AGPAT4: variants seen among roughly 807,000 people sequenced by gnomAD.
The protein encoded by AGPAT4 is 1-acyl-sn-glycerol-3-phosphate acyltransferase delta.
AGPAT4 carries 15 observed loss-of-function variants against 48.0 expected under a neutral mutation model. The observed-to-expected ratio is 0.31, with a 90% CI of 0.21 to 0.48. The LOEUF is 0.48. AGPAT4 is among the 20% of genes least tolerant of loss of function. The probability of loss-of-function intolerance (pLI) is 0.99; values close to 1 mark genes in which losing one functional copy is unlikely to be tolerated. For missense variants in AGPAT4, 314 were observed against 482.5 expected, an observed-to-expected ratio of 0.65 and a Z score of 3.27; for synonymous variants, 178 against 198.7, an observed-to-expected ratio of 0.90 and a Z score of 0.88.
chr6:161,199,823 C>A (rs1195535856), intron 2 of AGPAT4, among the ~76,000 whole-genome samples: 1 of 152,230 alleles, frequency 6.6e-6, no homozygotes, highest in African/African-American at 2.4e-5. Flanking sequence ...GCCTCCCCAG[C>A]CATGCCTCCT....
Position 161,184,453 on chromosome 6 carries a change from G to A in AGPAT4, c.179-18036C>T, listed in dbSNP as rs916023272. 2.0e-5 allele frequency among the ~76,000 whole-genome samples: 3 copies of A among 151,922 alleles called. No homozygotes were observed. The highest frequency in any genetic ancestry group is 1.3e-4 in the Admixed American group (2 of 15,260). The stretch of plus-strand genomic sequence containing the variant: ...GGAAGGTGTGTGGAGGGAGATAGAG[G>A]GGCAGGTGATGGAGGAGTCTGGCAT... On this transcript the variant is annotated intron_variant, in intron 2 of 8. Coordinates refer to ENST00000320285, the MANE Select transcript of AGPAT4 (RefSeq NM_020133.3). The surrounding 1 kb of genome is among the most constrained non-coding windows in gnomAD (Gnocchi z 4.8).
rs997861150 is a variant in AGPAT4 at position 161,225,800 on chromosome 6, C to A, written c.178+6236G>T. ...AAAAGGTTGTCCCAACAGATAAACT[C>A]GTGGGCCGCTTGCTCAGTCCAGGAG... is the stretch of plus-strand genomic sequence containing the variant. On this transcript the variant is annotated intron_variant, in intron 2 of 8. Transcript: ENST00000320285. The surrounding 1 kb of genome is among the most constrained non-coding windows in gnomAD (Gnocchi z 5.0). 1.3e-5 allele frequency among the ~76,000 whole-genome samples: 2 copies of A among 152,186 alleles called. No individual in the cohort carries two copies. Among genetic ancestry groups the A allele is most frequent in the Non-Finnish European group, 2.9e-5 (2 of 68,028 alleles).
In AGPAT4 at chr6:161,219,900, CAGGCAGGCAGGCAGGCGGCAGGCA is replaced by C. The variant is rs1442866009; in HGVS notation, c.178+12112_178+12135del. ...GCAGGCAGGCAGGCAGGCAGGCAGG[CAGGCAGGCAGGCAGGCGGCAGGCA>C]GGCAGGCAGGCAGGCAGGCAGGCAG... On this transcript the variant is annotated intron_variant, in intron 2 of 8. Coordinates refer to ENST00000320285, the MANE Select transcript of AGPAT4 (RefSeq NM_020133.3). This position sits in a 1 kb window ranked among gnomAD's most constrained non-coding sequence, Gnocchi z 4.9. Among the ~76,000 whole-genome samples the C allele has an allele frequency of 1.4e-5, 2 of 139,304 alleles. No individual in the cohort carries two copies. Among genetic ancestry groups the C allele is most frequent in the African/African-American group, 5.8e-5 (2 of 34,316 alleles). The allele number at this position is 139,304 out of a possible 152,430, so 91.4% of individuals were successfully genotyped here.
rs1351033105 is a variant in AGPAT4 at position 161,142,885 on chromosome 6, AGCAAT to A, written c.844-3270_844-3266del. Among the ~76,000 whole-genome samples the A allele has an allele frequency of 6.6e-6, 1 of 152,158 alleles. No homozygotes were observed. The highest frequency in any genetic ancestry group is 1.5e-5 in the Non-Finnish European group (1 of 68,020). On this transcript the variant is annotated intron_variant, in intron 7 of 8. Coordinates refer to ENST00000320285, the MANE Select transcript of AGPAT4 (RefSeq NM_020133.3). This position sits in a 1 kb window ranked among gnomAD's most constrained non-coding sequence, Gnocchi z 6.4. Reference sequence around the variant, plus strand: ...GAGGCTCCCTGCTGCCCTTCTAAGGAGCAATGCCCTTATGGTTTAAGTGAAAAAAC... The same window carrying A: ...GAGGCTCCCTGCTGCCCTTCTAAGGAGCCCTTATGGTTTAAGTGAAAAAAC...
At position 161,140,508 on chromosome 6, in the gene AGPAT4, A is replaced by G. The variant is rs868278681; in HGVS notation, c.844-888T>C. On this transcript the variant is annotated intron_variant, in intron 7 of 8. Coordinates refer to ENST00000320285, the MANE Select transcript of AGPAT4 (RefSeq NM_020133.3). The surrounding 1 kb of genome is among the most constrained non-coding windows in gnomAD (Gnocchi z 6.5). ...CACGGCCCCACATAAATGCACTGCGAAAGAACGCGGTGGCTCTTCCCTGGG... is the reference window on the plus strand; with the variant it reads ...CACGGCCCCACATAAATGCACTGCGGAAGAACGCGGTGGCTCTTCCCTGGG... 1.9e-4 allele frequency among the ~76,000 whole-genome samples: 29 copies of G among 152,354 alleles called. No homozygotes were observed. Among genetic ancestry groups the G allele is most frequent in the Admixed American group, 5.2e-4 (8 of 15,310 alleles).
Position 161,201,536 on chromosome 6 carries a change from T to C in AGPAT4, c.178+30500A>G, listed in dbSNP as rs1173904079. On this transcript the variant is annotated intron_variant, in intron 2 of 8. Transcript: ENST00000320285. This position sits in a 1 kb window ranked among gnomAD's most constrained non-coding sequence, Gnocchi z 6.0. Reference sequence around the variant, plus strand: ...TCCCCACCATGAGCTCTATCTGCGATGTCCCAGGAACTCTCCTGCAATACA... The same window carrying C: ...TCCCCACCATGAGCTCTATCTGCGACGTCCCAGGAACTCTCCTGCAATACA... Among the ~76,000 whole-genome samples, 3 of 152,234 alleles carry C rather than the reference T, an allele frequency of 2.0e-5. No individual in the cohort carries two copies. The highest frequency in any genetic ancestry group is 6.5e-5 in the Admixed American group (1 of 15,290).
Position 161,259,204 on chromosome 6 carries a change from C to T in AGPAT4, c.-90+14734G>A, listed in dbSNP as rs138552412. Among the ~76,000 whole-genome samples the T allele has an allele frequency of 2.6e-3, 399 of 152,184 alleles. 5 individuals carry two copies. Among genetic ancestry groups the T allele is most frequent in the African/African-American group, 9.0e-3 (375 of 41,506 alleles). On this transcript the variant is annotated intron_variant, in intron 1 of 8. Transcript: ENST00000320285. This position sits in a 1 kb window ranked among gnomAD's most constrained non-coding sequence, Gnocchi z 4.9. ...GAAATGATTAAATGAAGCTCGCTAA[C>T]GTATCGATCACTTCCCATACTTATT... is the stretch of plus-strand genomic sequence containing the variant.
rs1446263816 is a variant in AGPAT4, at chr6:161,197,285, T to G, written c.179-30868A>C. On this transcript the variant is annotated intron_variant, in intron 2 of 8. Coordinates refer to ENST00000320285, the MANE Select transcript of AGPAT4 (RefSeq NM_020133.3). The surrounding 1 kb of genome is among the most constrained non-coding windows in gnomAD (Gnocchi z 5.7). The stretch of plus-strand genomic sequence containing the variant: ...CACGTAAGCCCTGACCTTGCACTGC[T>G]AGGGACATTAAAGAACTAGCGTTCC... Among the ~76,000 whole-genome samples, 1 of 152,208 alleles carries G rather than the reference T, an allele frequency of 6.6e-6. No individual in the cohort carries two copies. Among genetic ancestry groups the G allele is most frequent in the Non-Finnish European group, 1.5e-5 (1 of 68,042 alleles).
chr6:161,240,237 C>T lies in AGPAT4; in HGVS notation c.-89-7935G>A, dbSNP rs1339695353. Among the ~76,000 whole-genome samples, 1 of 130,454 alleles carries T rather than the reference C, an allele frequency of 7.7e-6. No homozygotes were observed. Among genetic ancestry groups the T allele is most frequent in the African/African-American group, 2.9e-5 (1 of 34,984 alleles). The allele number at this position is 130,454 out of a possible 152,430, so 85.6% of individuals were successfully genotyped here. A position where few individuals can be genotyped will look rare whatever the true frequency, so the allele number is the denominator to read the frequency against. ...CTTTGTGTATACACACACACACACA[C>T]ACACACACACACACACACACACACA... is the stretch of plus-strand genomic sequence containing the variant. On this transcript the variant is annotated intron_variant, in intron 1 of 8. Transcript: ENST00000320285. This position sits in a 1 kb window ranked among gnomAD's most constrained non-coding sequence, Gnocchi z 5.5.
Position 161,238,458 on chromosome 6 carries a change from A to T in AGPAT4, c.-89-6156T>A, listed in dbSNP as rs886432962. Among the ~76,000 whole-genome samples the T allele has an allele frequency of 6.6e-6, 1 of 152,124 alleles. No homozygotes were observed. Among genetic ancestry groups the T allele is most frequent in the African/African-American group, 2.4e-5 (1 of 41,424 alleles). On this transcript the variant is annotated intron_variant, in intron 1 of 8. Transcript: ENST00000320285. The surrounding 1 kb of genome is among the most constrained non-coding windows in gnomAD (Gnocchi z 5.2). ...GTCGTCAACTCAGTTTTCCTTCTCTACCTATCTAGATCAAGACATTGTCTT... is the reference window on the plus strand; with the variant it reads ...GTCGTCAACTCAGTTTTCCTTCTCTTCCTATCTAGATCAAGACATTGTCTT...
intron 2 of AGPAT4, among the ~76,000 whole-genome samples, chr6:161,182,236 C>T (rs9365257): frequency 0.48 from 60,904 of 127,474 alleles, 14,298 homozygotes; most frequent in African/African-American, 0.69. Context: ...ATCCCCTCAT[C>T]CCCGCACCTC....
At chr6:161,162,362 G>C (rs952698946) in intron 3 of AGPAT4, among the ~76,000 whole-genome samples, 1 of 152,226 alleles carries the variant, frequency 6.6e-6, no homozygotes, top group African/African-American at 2.4e-5. Flanking sequence ...CCCGGGTCCC[G>C]GTTACAGAAG....
In AGPAT4 at chr6:161,214,668, C is replaced by T. The variant is rs1583335699; in HGVS notation, c.178+17368G>A. Among the ~76,000 whole-genome samples the T allele has an allele frequency of 6.6e-6, 1 of 152,246 alleles. No individual in the cohort carries two copies. Among genetic ancestry groups the T allele is most frequent in the Non-Finnish European group, 1.5e-5 (1 of 68,026 alleles). The stretch of plus-strand genomic sequence containing the variant: ...CCTGTAGTCCCAGCTACTCGGGAGG[C>T]TGAGGCAGGAGAATCACTTGAACCC... On this transcript the variant is annotated intron_variant, in intron 2 of 8. Coordinates refer to ENST00000320285, the MANE Select transcript of AGPAT4 (RefSeq NM_020133.3). This position sits in a 1 kb window ranked among gnomAD's most constrained non-coding sequence, Gnocchi z 5.4.
Position 161,141,257 on chromosome 6 carries a change from G to A in AGPAT4, c.844-1637C>T, listed in dbSNP as rs1583274706. On this transcript the variant is annotated intron_variant, in intron 7 of 8. Transcript: ENST00000320285. This position sits in a 1 kb window ranked among gnomAD's most constrained non-coding sequence, Gnocchi z 6.7. ...CCTGGTCCGAAGCGTCACTTGTCGC[G>A]TGACTCTGCTGTTGGACATCAGCCA... Among the ~76,000 whole-genome samples the A allele has an allele frequency of 6.6e-6, 1 of 152,062 alleles. No homozygotes were observed. The highest frequency in any genetic ancestry group is 1.5e-5 in the Non-Finnish European group (1 of 68,032).
chr6:161,237,433 C>A (rs1355420773), intron 1 of AGPAT4, among the ~76,000 whole-genome samples: 1 of 152,146 alleles, frequency 6.6e-6, no homozygotes, highest in Non-Finnish European at 1.5e-5. Flanking sequence ...TCCTTCAGCA[C>A]CACTTGGATG....
At position 161,142,702 on chromosome 6, in the gene AGPAT4, T is replaced by C. The variant is rs553890351; in HGVS notation, c.844-3082A>G. On this transcript the variant is annotated intron_variant, in intron 7 of 8. Transcript: ENST00000320285. This position sits in a 1 kb window ranked among gnomAD's most constrained non-coding sequence, Gnocchi z 6.4. The stretch of plus-strand genomic sequence containing the variant: ...AAAGAACGAAGAATAGAAGAGAAAG[T>C]TGAGGAACAGAGAGGAAGAAGCGGC... 6.6e-6 allele frequency among the ~76,000 whole-genome samples: 1 copy of C among 152,144 alleles called. No individual in the cohort carries two copies. Among genetic ancestry groups the C allele is most frequent in the African/African-American group, 2.4e-5 (1 of 41,506 alleles).
rs1726925882 is a variant in AGPAT4 at position 161,220,153 on chromosome 6, G to C, written c.178+11883C>G. Among the ~76,000 whole-genome samples the C allele has an allele frequency of 6.6e-6, 1 of 152,138 alleles. No homozygotes were observed. The highest frequency in any genetic ancestry group is 2.4e-5 in the African/African-American group (1 of 41,412). On this transcript the variant is annotated intron_variant, in intron 2 of 8. Coordinates refer to ENST00000320285, the MANE Select transcript of AGPAT4 (RefSeq NM_020133.3). This position sits in a 1 kb window ranked among gnomAD's most constrained non-coding sequence, Gnocchi z 6.0. ...ATATTTAATGTGCTTCCAATCACCA[G>C]GTATGTCAGCCACACAGCCTGCGCT...
rs575228892 is a variant in AGPAT4, at chr6:161,244,271, C to T, written c.-89-11969G>A. Among the ~76,000 whole-genome samples the T allele has an allele frequency of 2.8e-4, 43 of 152,216 alleles. No individual in the cohort carries two copies. Among genetic ancestry groups the T allele is most frequent in the African/African-American group, 1.0e-3 (42 of 41,520 alleles). ...TCCCGCAAAGAAGCAGGAAGTCTTC[C>T]GGGCAGGGGTGAGGATGGGGCTGAC... On this transcript the variant is annotated intron_variant, in intron 1 of 8. Coordinates refer to ENST00000320285, the MANE Select transcript of AGPAT4 (RefSeq NM_020133.3). The surrounding 1 kb of genome is among the most constrained non-coding windows in gnomAD (Gnocchi z 4.7).
intron 1 of AGPAT4, among the ~76,000 whole-genome samples, chr6:161,241,371 T>C (rs1297598256): frequency 6.6e-6 from 1 of 151,996 alleles, no homozygotes; most frequent in Non-Finnish European, 1.5e-5. Flanking sequence ...GTCCAGTACA[T>C]GATGTCTGTT....
Sources: allele counts gnomAD v4.1 joint callset (sites outside exome capture counted in the v4.1 genomes callset), GRCh38; gene constraint gnomAD v4.1.1; non-coding constraint Gnocchi (gnomAD v3.1); transcripts MANE v1.5; gene names NCBI Gene and HGNC (gene_info 2026-07-23, HGNC 2026-07-21).